Variants in CALCRL observed in about 807,000 individuals in gnomAD.
CALCRL encodes calcitonin gene-related peptide type 1 receptor.
In CALCRL, 27 loss-of-function variants were observed where a neutral mutation model predicts 60.4. The observed-to-expected ratio is 0.45, with a 90% CI of 0.33 to 0.62. The LOEUF is 0.62. Among genes scored for constraint, CALCRL ranks in the 20% least tolerant of loss-of-function variants. The pLI is 0.03. For missense variants in CALCRL, 424 were observed against 540.7 expected, an observed-to-expected ratio of 0.78 and a Z score of 2.14; for synonymous variants, 190 against 182.6, an observed-to-expected ratio of 1.04 and a Z score of -0.33.
intron 1 of CALCRL, among the ~76,000 whole-genome samples, chr2:187,427,700 G>C (rs559600269): frequency 6.6e-6 from 1 of 152,152 alleles, no homozygotes; most frequent in South Asian, 2.1e-4. Flanking sequence ...GTTATCAGGT[G>C]CTCAAATATC....
At chr2:187,447,487 T>C (rs1691245094) in intron 1 of CALCRL, among the ~76,000 whole-genome samples, 1 of 151,994 alleles carries the variant, frequency 6.6e-6, no homozygotes, top group African/African-American at 2.4e-5. Flanking sequence ...ATTAGTTCAG[T>C]AGTTACAGAT....
At chr2:187,384,679 T>A (rs962572917) in intron 4 of CALCRL, among the ~76,000 whole-genome samples, 3 of 152,130 alleles carry the variant, frequency 2.0e-5, no homozygotes, top group African/African-American at 7.2e-5. Context: ...TTTTTTTGTT[T>A]TTTGTTTTTT....
chr2:187,365,897 G>A (rs931451649), intron 8 of CALCRL, among the ~76,000 whole-genome samples: 1 of 152,156 alleles, frequency 6.6e-6, no homozygotes, highest in African/African-American at 2.4e-5. Flanking sequence ...GAAAGGGTAA[G>A]GGGAGAGTGG....
chr2:187,360,556 C>A lies in CALCRL; in HGVS notation c.781+42G>T, dbSNP rs369220595. On this transcript the variant is annotated intron_variant, in intron 10 of 14. Coordinates refer to ENST00000392370, the MANE Select transcript of CALCRL (RefSeq NM_005795.6). ...GGAACCTGGCATCCTCCAAAGGCTT[C>A]TTTAATCCACTGAATCAACAAGTAT... The A allele has an allele frequency of 3.9e-5, 60 of 1,538,650 alleles. No homozygotes were observed. In the African/African-American group the frequency reaches 6.5e-4, roughly 17 times the overall value.
chr2:187,445,466 GATT>G (rs1691133414), intron 1 of CALCRL, among the ~76,000 whole-genome samples: 2 of 151,456 alleles, frequency 1.3e-5, no homozygotes, highest in Non-Finnish European at 3.0e-5. Context: ...ATCCTTTAAA[GATT>G]ATTATATTTT....
chr2:187,346,817 A>C (rs1007582568), intron 14 of CALCRL, among the ~76,000 whole-genome samples: 1 of 148,596 alleles, frequency 6.7e-6, no homozygotes, highest in Non-Finnish European at 1.5e-5. Flanking sequence ...AAAAGAAAAG[A>C]AGTTAGGATA....
At chr2:187,442,098 A>G (rs1690938889) in intron 1 of CALCRL, 1 of 108,462 alleles carries the variant, frequency 9.2e-6, no homozygotes, top group Non-Finnish European at 1.9e-5. Flanking sequence ...ATATATATAT[A>G]TATATATACA....
At chr2:187,431,999 A>C (rs1690429180) in intron 1 of CALCRL, among the ~76,000 whole-genome samples, 1 of 152,036 alleles carries the variant, frequency 6.6e-6, no homozygotes, top group African/African-American at 2.4e-5. Flanking sequence ...AGGATGACTG[A>C]GTCAATGGTT....
intron 14 of CALCRL, among the ~76,000 whole-genome samples, chr2:187,348,195 A>G (rs1438694940): frequency 1.3e-5 from 2 of 151,762 alleles, no homozygotes; most frequent in African/African-American, 4.8e-5. Context: ...CTGCATATGT[A>G]ACAACCTCAA....
chr2:187,415,625 T>C, intron 1 of CALCRL: 1 of 615,114 alleles, frequency 1.6e-6, no homozygotes, highest in Non-Finnish European at 3.0e-6. Context: ...AAGAAGGTGG[T>C]GAACCAGGCA....
At chr2:187,410,155 A>G (rs1689297926) in intron 1 of CALCRL, among the ~76,000 whole-genome samples, 1 of 152,176 alleles carries the variant, frequency 6.6e-6, no homozygotes, top group Non-Finnish European at 1.5e-5. Flanking sequence ...TTGGTTTTGT[A>G]AAGTCAGAAA....
At chr2:187,414,221 G>A (rs116470269) in intron 1 of CALCRL, among the ~76,000 whole-genome samples, 2,962 of 152,052 alleles carry the variant, frequency 0.019, 103 homozygotes, top group African/African-American at 0.067. Context: ...TTTGTAGGCC[G>A]GAAGCTTCTG....
chr2:187,392,513 C>T (rs187140526), intron 1 of CALCRL, among the ~76,000 whole-genome samples: 1 of 152,092 alleles, frequency 6.6e-6, no homozygotes, highest in African/African-American at 2.4e-5. Flanking sequence ...ACACTCTACT[C>T]CAATCGCAGA....
At chr2:187,358,854 TG>T (rs1686921587) in intron 12 of CALCRL, among the ~76,000 whole-genome samples, 1 of 152,136 alleles carries the variant, frequency 6.6e-6, no homozygotes, top group Non-Finnish European at 1.5e-5. Context: ...TGGTCCCTAA[TG>T]GCTCACCATC....
rs1428895221 is a variant in CALCRL at position 187,346,127 on chromosome 2, G to A, written c.*57C>T. 1.1e-5 allele frequency: 12 copies of A among 1,104,442 alleles called. No individual in the cohort carries two copies. The highest frequency in any genetic ancestry group is 1.6e-5 in the Non-Finnish European group (12 of 751,230). The allele number at this position is 1,104,442 out of a possible 1,614,324, so 68.4% of individuals were successfully genotyped here. A position where few individuals can be genotyped will look rare whatever the true frequency, so the allele number is the denominator to read the frequency against. On this transcript the variant is annotated 3_prime_UTR_variant, in exon 15 of 15. Transcript: ENST00000392370. The stretch of plus-strand genomic sequence containing the variant: ...AAGTCTTCTGGCTACAGAGTCATGG[G>A]TCCAAGTCCTTGAGTTAGGAGAAGC...
intron 12 of CALCRL, among the ~76,000 whole-genome samples, chr2:187,355,517 C>A (rs73046673): frequency 6.6e-6 from 1 of 152,020 alleles, no homozygotes; most frequent in Admixed American, 6.6e-5. Context: ...TCCAACGCAA[C>A]CATATACTAA....
intron 8 of CALCRL, among the ~76,000 whole-genome samples, chr2:187,365,403 G>A (rs865897724): frequency 1.8e-4 from 28 of 152,114 alleles, no homozygotes; most frequent in African/African-American, 6.3e-4. Flanking sequence ...ATTGTTTAGA[G>A]AGAGGAACTG....
chr2:187,432,608 G>T (rs1197841899), intron 1 of CALCRL, among the ~76,000 whole-genome samples: 2 of 151,970 alleles, frequency 1.3e-5, no homozygotes, highest in African/African-American at 2.4e-5. Context: ...AAATTACCTT[G>T]TAAATGTTTA....
intron 4 of CALCRL, among the ~76,000 whole-genome samples, chr2:187,383,873 A>G (rs565683818): frequency 6.6e-6 from 1 of 152,144 alleles, no homozygotes; most frequent in African/African-American, 2.4e-5. Flanking sequence ...ATGCACATCA[A>G]TAATGTTTTT....
Sources: gnomAD v4.1 joint callset for allele counts (sites outside exome capture counted in the v4.1 genomes callset) on GRCh38, gnomAD v4.1.1 for gene constraint, MANE v1.5 for transcripts, NCBI Gene and HGNC (gene_info 2026-07-23, HGNC 2026-07-21) for gene names.